Variants in TBX15 observed in about 807,000 individuals in gnomAD.
TBX15 encodes T-box transcription factor 15.
In TBX15, 18 loss-of-function variants were observed where a neutral mutation model predicts 53.9. The observed-to-expected ratio is 0.33, with a 90% CI of 0.23 to 0.49. TBX15 has a LOEUF of 0.49. Among genes scored for constraint, TBX15 ranks in the 20% least tolerant of loss-of-function variants. The probability of loss-of-function intolerance (pLI) is 0.98; values close to 1 mark genes in which losing one functional copy is unlikely to be tolerated. For synonymous variants in TBX15, 295 were observed against 278.0 expected, an observed-to-expected ratio of 1.06 and a Z score of -0.61; for missense variants, 692 against 749.5, an observed-to-expected ratio of 0.92 and a Z score of 0.90.
At chr1:118,901,401 G>T in intron 6 of TBX15, 1 of 456,518 alleles carries the variant, frequency 2.2e-6, no homozygotes, top group South Asian at 1.5e-5. Context: ...CCTCTTAAAG[G>T]TCCCATCTCT....
chr1:118,908,284 A>G (rs2101543346), intron 6 of TBX15, among the ~76,000 whole-genome samples: 1 of 152,210 alleles, frequency 6.6e-6, no homozygotes, highest in African/African-American at 2.4e-5. Flanking sequence ...GAAAAAAAAT[A>G]CAAGAACAGA....
chr1:118,987,643 G>T lies in TBX15; in HGVS notation c.153C>A (p.Gly51=), dbSNP rs1251332305. The change falls in exon 1 of 8, where the codon GGC becomes GGA. Residue 51 remains glycine (G), a synonymous_variant. Coordinates refer to ENST00000369429, the MANE Select transcript of TBX15 (RefSeq NM_001330677.2). ...CCGCGTCCTCCGTGTCTCCGAGTGG[G>T]CCCGCGGGGCTCAGCGCCTCCATAG... ...DLSMEALSPA[G]PLGDTEDAAA... 1 of 1,550,004 alleles carries T rather than the reference G, an allele frequency of 6.5e-7. No homozygotes were observed. The highest frequency in any genetic ancestry group is 2.0e-5 in the Admixed American group (1 of 51,008).
chr1:118,920,369 A>C (rs886606459), intron 5 of TBX15, among the ~76,000 whole-genome samples: 11 of 152,202 alleles, frequency 7.2e-5, no homozygotes, highest in Admixed American at 7.2e-4. Flanking sequence ...GAAGAGTAGA[A>C]GGAATCAAGA....
At chr1:118,926,741 T>C (rs1384123396) in intron 2 of TBX15, 130 bp from the exon 3 acceptor site, 5 of 785,356 alleles carry the variant, frequency 6.4e-6, no homozygotes, top group Admixed American at 6.2e-5. Context: ...AGTCTCGCTC[T>C]GTCACCCAGG....
At chr1:118,977,107 C>A (rs1478960740) in intron 1 of TBX15, among the ~76,000 whole-genome samples, 1 of 152,144 alleles carries the variant, frequency 6.6e-6, no homozygotes, top group Non-Finnish European at 1.5e-5. Flanking sequence ...AACTAACTTG[C>A]CCAAGGTCAT....
intron 1 of TBX15, among the ~76,000 whole-genome samples, chr1:118,943,840 C>T (rs1779420): frequency 0.54 from 81,990 of 151,824 alleles, 22,349 homozygotes; most frequent in East Asian, 0.59. Flanking sequence ...AGCAGGAGGC[C>T]TGAAAGGTAG....
chr1:118,921,529 AACTGAAGC>A (rs1655424290), intron 5 of TBX15, among the ~76,000 whole-genome samples: 1 of 152,208 alleles, frequency 6.6e-6, no homozygotes, highest in African/African-American at 2.4e-5. Flanking sequence ...TAAGACAAGA[AACTGAAGC>A]ACTGAAGCAC....
intron 6 of TBX15, among the ~76,000 whole-genome samples, chr1:118,902,483 G>T (rs1654664413): frequency 6.6e-6 from 1 of 152,124 alleles, no homozygotes; most frequent in Non-Finnish European, 1.5e-5. Flanking sequence ...AAGAATGAAT[G>T]CTTTATTGCT....
chr1:118,908,742 C>G (rs1399572687), intron 6 of TBX15, among the ~76,000 whole-genome samples: 2 of 151,934 alleles, frequency 1.3e-5, no homozygotes, highest in East Asian at 1.9e-4. Context: ...TACACCTACT[C>G]CTGTCTCTCT....
In TBX15 at chr1:118,924,638, T is replaced by G. The variant is rs532509100; in HGVS notation, c.693+8A>C. The G allele has an allele frequency of 6.2e-7, 1 of 1,614,004 alleles. No homozygotes were observed. Among genetic ancestry groups the G allele is most frequent in the African/African-American group, 1.3e-5 (1 of 75,026 alleles). On this transcript the variant is annotated splice_region_variant and intron_variant, in intron 4 of 7. Coordinates refer to ENST00000369429, the MANE Select transcript of TBX15 (RefSeq NM_001330677.2). Reference sequence around the variant, plus strand: ...GAAAGAAAGGGGAGATAGGATTCTTTGACTCACATGTCCTTGATCATCCAA... The same window carrying G: ...GAAAGAAAGGGGAGATAGGATTCTTGGACTCACATGTCCTTGATCATCCAA...
chr1:118,985,783 C>T (rs1657810147), intron 1 of TBX15, among the ~76,000 whole-genome samples: 1 of 152,182 alleles, frequency 6.6e-6, no homozygotes, highest in Non-Finnish European at 1.5e-5. Flanking sequence ...TTAGATCTTC[C>T]ACCCCACCCC....
At position 118,947,485 on chromosome 1, in the gene TBX15, G is replaced by A. The variant is rs144018796; in HGVS notation, c.206-15653C>T. Among the ~76,000 whole-genome samples, 422 of 152,318 alleles carry A rather than the reference G, an allele frequency of 2.8e-3. 1 individual carries two copies. The highest frequency in any genetic ancestry group is 6.8e-3 in the Middle Eastern group (2 of 294). On this transcript the variant is annotated intron_variant, in intron 1 of 7. Transcript: ENST00000369429. ...AGTCCTGATTCTGACTCTACCTAGAGATATGATCTTGAGGAGCCATTTAAC... is the reference window on the plus strand; with the variant it reads ...AGTCCTGATTCTGACTCTACCTAGAAATATGATCTTGAGGAGCCATTTAAC...
chr1:118,891,815 C>T (rs1356522187), intron 7 of TBX15, among the ~76,000 whole-genome samples: 1 of 152,158 alleles, frequency 6.6e-6, no homozygotes, highest in South Asian at 2.1e-4. Context: ...TGGGTGCCTA[C>T]ATTAAGCTTT....
intron 5 of TBX15, among the ~76,000 whole-genome samples, chr1:118,920,497 A>C (rs1310047062): frequency 1.3e-5 from 2 of 152,188 alleles, no homozygotes; most frequent in African/African-American, 4.8e-5. Context: ...ACTCTTGCAG[A>C]TGTGTGAGGA....
intron 2 of TBX15, 65 bp downstream of exon 2, chr1:118,931,554 G>T: frequency 6.5e-7 from 1 of 1,547,870 alleles, no homozygotes; most frequent in South Asian, 1.1e-5. Context: ...AAGAATGGAA[G>T]AATGTAATGG....
chr1:118,912,373 C>A (rs1655053566), intron 6 of TBX15, among the ~76,000 whole-genome samples: 1 of 151,972 alleles, frequency 6.6e-6, no homozygotes, highest in East Asian at 1.9e-4. Context: ...AAATGTGCAT[C>A]TATTCATTCA....
At chr1:118,893,031 G>A (rs1654206205) in intron 7 of TBX15, among the ~76,000 whole-genome samples, 1 of 151,942 alleles carries the variant, frequency 6.6e-6, no homozygotes, top group Admixed American at 6.6e-5. Flanking sequence ...TCAGGAGTTT[G>A]AGACCAGTTT....
intron 7 of TBX15, among the ~76,000 whole-genome samples, chr1:118,894,923 G>T (rs773932360): frequency 1.3e-5 from 2 of 152,006 alleles, no homozygotes; most frequent in Non-Finnish European, 2.9e-5. Context: ...AAAAGGGAGT[G>T]CTTTAAAAAA....
chr1:118,915,256 C>A (rs1655181175), intron 5 of TBX15, among the ~76,000 whole-genome samples: 1 of 152,196 alleles, frequency 6.6e-6, no homozygotes, highest in Non-Finnish European at 1.5e-5. Context: ...TTATTTAAGA[C>A]CATCTTCATA....
Sources: allele counts gnomAD v4.1 joint callset (sites outside exome capture counted in the v4.1 genomes callset), GRCh38; gene constraint gnomAD v4.1.1; transcripts MANE v1.5; gene names NCBI Gene and HGNC (gene_info 2026-07-23, HGNC 2026-07-21).